The following PGCKA1 variants were observed in gnomAD, a reference collection of about 807,000 sequenced individuals.
The protein encoded by PGCKA1 is PDCD10 and GCKIII kinases associated 1.
chr4:37,546,833 C>G, the PGCKA1 span, among the ~76,000 whole-genome samples: 1 of 152,232 alleles, frequency 6.6e-6, no homozygotes, highest in African/African-American at 2.4e-5. Context: ...CCCGGTGGAA[C>G]GCCTCGCCAC....
the PGCKA1 span, chr4:37,454,005 CCCGCCGCCGCCG>C: frequency 6.3e-6 from 1 of 159,410 alleles, no homozygotes; most frequent in Non-Finnish European, 1.3e-5. Flanking sequence ...GCGCCGGGAC[CCCGCCGCCGCCG>C]CCGCCGCCGC....
chr4:37,510,782 C>G, the PGCKA1 span, among the ~76,000 whole-genome samples: 3 of 152,056 alleles, frequency 2.0e-5, no homozygotes, highest in Non-Finnish European at 4.4e-5. Flanking sequence ...TCATGTCCTT[C>G]TTTTCAGGTT....
At chr4:37,544,029 T>C in the PGCKA1 span, among the ~76,000 whole-genome samples, 58 of 152,344 alleles carry the variant, frequency 3.8e-4, no homozygotes, top group East Asian at 0.011. Context: ...CTCCCTCACT[T>C]GTTTTTTACA....
chr4:37,479,586 A>T, the PGCKA1 span, among the ~76,000 whole-genome samples: 1 of 152,240 alleles, frequency 6.6e-6, no homozygotes, highest in South Asian at 2.1e-4. Flanking sequence ...GTAAAGGAAG[A>T]TTTATCTGAG....
At chr4:37,503,130 C>T in the PGCKA1 span, among the ~76,000 whole-genome samples, 4 of 152,180 alleles carry the variant, frequency 2.6e-5, no homozygotes, top group Admixed American at 2.6e-4. Context: ...GCTCTCCCTG[C>T]CAACTGTAGT....
the PGCKA1 span, chr4:37,557,981 G>A: frequency 6.6e-6 from 1 of 152,194 alleles, no homozygotes; most frequent in Non-Finnish European, 1.5e-5. Flanking sequence ...ACTGTGAAAA[G>A]AAGGCAACCC....
At chr4:37,509,798 CA>C in the PGCKA1 span, among the ~76,000 whole-genome samples, 2 of 151,550 alleles carry the variant, frequency 1.3e-5, no homozygotes, top group Non-Finnish European at 2.9e-5. Context: ...CCGTCTCCAC[CA>C]AAAAAATACG....
the PGCKA1 span, among the ~76,000 whole-genome samples, chr4:37,572,069 T>TTTTTTTC: frequency 0.015 from 1,705 of 111,664 alleles, 21 homozygotes; most frequent in African/African-American, 0.033. Context: ...TTTTCTTTTT[T>TTTTTTTC]TTTTTTTTTT....
the PGCKA1 span, among the ~76,000 whole-genome samples, chr4:37,480,219 GC>G: frequency 6.6e-6 from 1 of 152,226 alleles, no homozygotes; most frequent in African/African-American, 2.4e-5. Context: ...GAGGCCAGGT[GC>G]CGTGGCTCAC....
At chr4:37,470,519 G>C in the PGCKA1 span, among the ~76,000 whole-genome samples, 1 of 152,176 alleles carries the variant, frequency 6.6e-6, no homozygotes. Flanking sequence ...AAAGGGTGGA[G>C]GCATTTCATT....
At chr4:37,578,571 C>T in the PGCKA1 span, among the ~76,000 whole-genome samples, 2 of 152,278 alleles carry the variant, frequency 1.3e-5, no homozygotes, top group African/African-American at 2.4e-5. Context: ...TAAGTAAGGA[C>T]TTACTCCTGC....
the PGCKA1 span, among the ~76,000 whole-genome samples, chr4:37,569,500 C>T: frequency 1.3e-5 from 2 of 151,898 alleles, no homozygotes; most frequent in South Asian, 2.1e-4. Context: ...CGCCCGGCCC[C>T]GAGGAGGTGG....
chr4:37,453,713 CA>C, the PGCKA1 span, among the ~76,000 whole-genome samples: 5 of 152,154 alleles, frequency 3.3e-5, no homozygotes, highest in Non-Finnish European at 7.3e-5. Context: ...CAGAGGCCAA[CA>C]AGCGCGTGGA....
the PGCKA1 span, among the ~76,000 whole-genome samples, chr4:37,558,498 A>G: frequency 2.8e-4 from 43 of 152,264 alleles, 1 homozygote; most frequent in South Asian, 8.9e-3. Flanking sequence ...TCCCTGGAAG[A>G]AAACCTAGGC....
chr4:37,453,849 C>G, the PGCKA1 span: 1 of 152,178 alleles, frequency 6.6e-6, no homozygotes, highest in Non-Finnish European at 1.5e-5. Flanking sequence ...TTACGCGTGT[C>G]GGGAAGGCTC....
the PGCKA1 span, chr4:37,460,973 T>TTTTTGGCAGGC: frequency 3.0e-6 from 1 of 333,846 alleles, no homozygotes; most frequent in African/African-American, 2.3e-5. Flanking sequence ...TTTTGGGTTT[T>TTTTTGGCAGGC]ACATTTAAGT....
the PGCKA1 span, among the ~76,000 whole-genome samples, chr4:37,499,248 A>T: frequency 2.0e-5 from 3 of 152,060 alleles, no homozygotes; most frequent in Admixed American, 2.0e-4. Context: ...GAGGATTTTT[A>T]CACCAGTGTT....
the PGCKA1 span, among the ~76,000 whole-genome samples, chr4:37,557,346 T>C: frequency 6.6e-6 from 1 of 152,212 alleles, no homozygotes. Flanking sequence ...TGTTTATCAA[T>C]AGTAATAACA....
the PGCKA1 span, among the ~76,000 whole-genome samples, chr4:37,542,171 T>G: frequency 6.6e-6 from 1 of 152,120 alleles, no homozygotes; most frequent in South Asian, 2.1e-4. Flanking sequence ...TTCAGGTGCA[T>G]CTGTCATTCA....
Sources: allele counts gnomAD v4.1 joint callset (sites outside exome capture counted in the v4.1 genomes callset), GRCh38; gene constraint gnomAD v4.1.1; transcripts MANE v1.5; gene names NCBI Gene and HGNC (gene_info 2026-07-23, HGNC 2026-07-21).